BIRC6: variants seen among roughly 807,000 people sequenced by gnomAD.
The protein encoded by BIRC6 is baculoviral IAP repeat containing 6, also known as dual E2 ubiquitin-conjugating enzyme/E3 ubiquitin-protein ligase BIRC6.
BIRC6 carries 98 observed loss-of-function variants against 503.3 expected under a neutral mutation model. The observed-to-expected ratio is 0.19, with a 90% CI of 0.17 to 0.23. The LOEUF is 0.23. Ranked by LOEUF, BIRC6 falls within the 10% of genes least tolerant of loss-of-function variation. The pLI is 1.00. For missense variants in BIRC6, 5,360 were observed against 5,806.0 expected (o/e 0.92, Z 2.50); for synonymous variants, 2,240 against 2,078.7 (o/e 1.08, Z -2.11).
chr2:32,416,619 AG>A (rs1382578444), intron 10 of BIRC6, among the ~76,000 whole-genome samples: 2 of 152,134 alleles, frequency 1.3e-5, no homozygotes, highest in Admixed American at 1.3e-4. Flanking sequence ...AAAAATACTT[AG>A]CAAACAATTT....
intron 65 of BIRC6, among the ~76,000 whole-genome samples, chr2:32,562,865 T>G (rs1469334192): frequency 6.6e-6 from 1 of 152,216 alleles, no homozygotes; most frequent in Non-Finnish European, 1.5e-5. Context: ...ATTGCTTCCT[T>G]TTTTTGGCAT....
chr2:32,545,322 A>G (rs553287102), intron 62 of BIRC6, among the ~76,000 whole-genome samples: 2 of 152,296 alleles, frequency 1.3e-5, no homozygotes, highest in South Asian at 4.1e-4. Flanking sequence ...GTAAGATACT[A>G]CTAATGCTTC....
intron 21 of BIRC6, among the ~76,000 whole-genome samples, chr2:32,446,634 G>T (rs969251050): frequency 2.1e-4 from 30 of 145,804 alleles, no homozygotes; most frequent in African/African-American, 7.6e-4. Context: ...AATCACATTT[G>T]TTGAGTCTCT....
chr2:32,428,608 C>T (rs1161235889), intron 10 of BIRC6, among the ~76,000 whole-genome samples: 1 of 152,194 alleles, frequency 6.6e-6, no homozygotes, highest in East Asian at 1.9e-4. Context: ...TTAGAATATA[C>T]TATTACCCAT....
At chr2:32,518,149 T>C (rs773939244) in intron 55 of BIRC6, 105 bp from the exon 56 acceptor site, 21 of 1,115,542 alleles carry the variant, frequency 1.9e-5, no homozygotes, top group Non-Finnish European at 2.5e-5. Flanking sequence ...TGATTTGATA[T>C]GTTAAAATAA....
chr2:32,455,783 A>C (rs1159896950), intron 23 of BIRC6, among the ~76,000 whole-genome samples: 2 of 152,182 alleles, frequency 1.3e-5, no homozygotes, highest in Admixed American at 1.3e-4. Context: ...AAAGCAAGCA[A>C]TGGAACGAGT....
intron 10 of BIRC6, among the ~76,000 whole-genome samples, chr2:32,426,326 G>A (rs978558762): frequency 2.0e-5 from 3 of 152,244 alleles, no homozygotes; most frequent in African/African-American, 7.2e-5. Flanking sequence ...AGAATGGCCG[G>A]GTGTGGTGGC....
At position 32,503,120 on chromosome 2, in the gene BIRC6, C is replaced by T. The variant is rs757392869; in HGVS notation, c.9383C>T (p.Thr3128Ile). ...AACACTGCAAGAAGTATGGTATCAA[C>T]TATTATGAAATTTCTTGACTCTGGT... ...IVNTARSMVS[T>I]IMKFLDSGPN... The change falls in exon 49 of 74, where the codon ACT becomes ATT. Residue 3128 changes from threonine to isoleucine, a missense_variant. Physicochemically the swap from Thr to Ile is moderately conservative, Grantham distance 89 (BLOSUM62 -1). This residue lies in a region of BIRC6 where 267 missense variants were observed against 287.6 expected (regional missense o/e 0.93). Transcript: ENST00000421745. 9.3e-6 allele frequency: 15 copies of T among 1,611,430 alleles called. No homozygotes were observed. The highest frequency in any genetic ancestry group is 3.4e-6 in the Non-Finnish European group (4 of 1,178,700).
At chr2:32,377,880 T>A in intron 2 of BIRC6, 111 bp downstream of exon 2, 1 of 896,096 alleles carries the variant, frequency 1.1e-6, no homozygotes, top group East Asian at 2.9e-5. Context: ...TATATTGCTA[T>A]AAAAACAATT....
chr2:32,553,197 C>CAAAAAAAAAAAAAAA lies in BIRC6; in HGVS notation c.13144+3739_13144+3753dup, dbSNP rs763552918. On this transcript the variant is annotated intron_variant, in intron 65 of 73. Coordinates refer to ENST00000421745, the MANE Select transcript of BIRC6 (RefSeq NM_016252.4). ...GGGTGACAAGAGTGAAACTCTGTCT[C>CAAAAAAAAAAAAAAA]AAAAAAAAAAAAAAAAAAAAAAAAA... Among the ~76,000 whole-genome samples, 30 of 34,950 alleles carry CAAAAAAAAAAAAAAA rather than the reference C, an allele frequency of 8.6e-4. 2 individuals carry two copies. Among genetic ancestry groups the CAAAAAAAAAAAAAAA allele is most frequent in the Non-Finnish European group, 1.2e-3 (24 of 20,582 alleles). 22.9% of individuals were successfully genotyped at this position (34,950 alleles called of 152,430 possible).
intron 36 of BIRC6, 144 bp from the exon 37 acceptor site, chr2:32,479,318 G>T (rs1027853305): frequency 1.4e-6 from 1 of 721,870 alleles, no homozygotes; most frequent in East Asian, 2.7e-5. Context: ...CCTTACGGGG[G>T]TGGGAACTCA....
At chr2:32,572,615 A>G (rs1054950980) in intron 65 of BIRC6, among the ~76,000 whole-genome samples, 4 of 152,188 alleles carry the variant, frequency 2.6e-5, no homozygotes, top group African/African-American at 9.6e-5. Context: ...TAACTTTTGG[A>G]TATAATTTTG....
At chr2:32,611,407 A>T in intron 72 of BIRC6, 41 bp from the exon 73 acceptor site, 1 of 1,533,530 alleles carries the variant, frequency 6.5e-7, no homozygotes, top group Middle Eastern at 1.7e-4. Context: ...TTTAAATTTG[A>T]CTGTAAACAC....
chr2:32,436,736 G>T (rs745352424), intron 15 of BIRC6, among the ~76,000 whole-genome samples: 5 of 151,982 alleles, frequency 3.3e-5, no homozygotes, highest in Non-Finnish European at 5.9e-5. Context: ...GATAATTTTT[G>T]TAGTTTTAGT....
chr2:32,547,346 A>G (rs1418590521), intron 63 of BIRC6, among the ~76,000 whole-genome samples: 1 of 152,202 alleles, frequency 6.6e-6, no homozygotes, highest in Non-Finnish European at 1.5e-5. Context: ...ATTCTTAAAT[A>G]TAAGCAGTTT....
At chr2:32,483,256 T>C (rs2050617321) in intron 39 of BIRC6, among the ~76,000 whole-genome samples, 1 of 152,178 alleles carries the variant, frequency 6.6e-6, no homozygotes, top group African/African-American at 2.4e-5. Context: ...ATATATGAGA[T>C]GTGTTTAATT....
intron 61 of BIRC6, among the ~76,000 whole-genome samples, chr2:32,534,730 C>CAAAAAAAA (rs770672789): frequency 1.8e-4 from 4 of 22,318 alleles, no homozygotes; most frequent in Admixed American, 6.3e-4. Flanking sequence ...GACTCTGTCT[C>CAAAAAAAA]AAAAAAAAAA....
chr2:32,485,818 TCAGGTGG>T, intron 40 of BIRC6, 59 bp downstream of exon 40: 2 of 1,126,914 alleles, frequency 1.8e-6, no homozygotes, highest in South Asian at 2.8e-5. Flanking sequence ...TTCATCATTT[TCAGGTGG>T]ATTCATCAAG....
chr2:32,478,755 A>G lies in BIRC6; in HGVS notation c.7189A>G (p.Ile2397Val), dbSNP rs1244732170. 2 of 1,613,924 alleles carry G rather than the reference A, an allele frequency of 1.2e-6. No individual in the cohort carries two copies. The highest frequency in any genetic ancestry group is 2.2e-5 in the East Asian group (1 of 44,866). ...LVGTDFNRGDISWGGAWAQYS... is the reference protein window; with the variant it reads ...LVGTDFNRGDVSWGGAWAQYS... ...TGGAACTGACTTCAATAGAGGAGATATATCTTGGGGTGGTGCTTGGGCTCA... is the reference window on the plus strand; with the variant it reads ...TGGAACTGACTTCAATAGAGGAGATGTATCTTGGGGTGGTGCTTGGGCTCA... Residue 2397 changes from isoleucine (I) to valine (V), a missense_variant, in exon 36 of 74, where the codon ATA becomes GTA. Coordinates refer to ENST00000421745, the MANE Select transcript of BIRC6 (RefSeq NM_016252.4).
Sources: allele counts gnomAD v4.1 joint callset (sites outside exome capture counted in the v4.1 genomes callset), GRCh38; gene constraint gnomAD v4.1.1; regional missense constraint gnomAD v4.1.1; transcripts MANE v1.5; gene names NCBI Gene and HGNC (gene_info 2026-07-23, HGNC 2026-07-21).